Variants in SIGLEC5 observed in about 807,000 individuals in gnomAD.
SIGLEC5 encodes sialic acid binding Ig like lectin 5, also known as sialic acid-binding Ig-like lectin 5.
In SIGLEC5, 34 loss-of-function variants were observed where a neutral mutation model predicts 45.9. That is an observed-to-expected ratio of 0.74 (90% CI 0.56 to 0.99). The LOEUF (loss-of-function observed/expected upper bound fraction) is 0.99, where lower values mean the gene tolerates loss of function less well. SIGLEC5 is among the 50% of genes least tolerant of loss of function. The pLI is 0.00. For synonymous variants in SIGLEC5, 203 were observed against 258.6 expected (o/e 0.79, Z 2.06); for missense variants, 508 against 629.6 (o/e 0.81, Z 2.07).
At chr19:51,624,140 T>C (rs1010623256) in intron 8 of SIGLEC5, among the ~76,000 whole-genome samples, 2 of 152,010 alleles carry the variant, frequency 1.3e-5, no homozygotes, top group Non-Finnish European at 2.9e-5. Context: ...ACCTGGGCAA[T>C]GGAGTCAGAC....
At chr19:51,613,310 C>T (rs530550660) in intron 8 of SIGLEC5, among the ~76,000 whole-genome samples, 5 of 152,226 alleles carry the variant, frequency 3.3e-5, no homozygotes, top group Admixed American at 1.3e-4. Flanking sequence ...CATTCAAGGC[C>T]GGGCTAGATT....
At chr19:51,618,558 G>A (rs919735747) in intron 8 of SIGLEC5, among the ~76,000 whole-genome samples, 20 of 151,268 alleles carry the variant, frequency 1.3e-4, no homozygotes, top group South Asian at 4.2e-4. Flanking sequence ...TTGGGAGGAC[G>A]AGGTGGGCAG....
intron 3 of SIGLEC5, 36 bp from the exon 4 acceptor site, chr19:51,629,112 G>T: frequency 6.2e-7 from 1 of 1,610,166 alleles, no homozygotes; most frequent in South Asian, 1.1e-5. Context: ...CTTCAGCAGT[G>T]AGGAGTGAGA....
At chr19:51,623,935 G>T (rs1350740112) in intron 8 of SIGLEC5, among the ~76,000 whole-genome samples, 1 of 152,120 alleles carries the variant, frequency 6.6e-6, no homozygotes, top group Non-Finnish European at 1.5e-5. Flanking sequence ...CCAGCACTTT[G>T]GGAGGTCAAG....
chr19:51,623,636 T>G (rs1983372632), intron 8 of SIGLEC5, among the ~76,000 whole-genome samples: 1 of 152,198 alleles, frequency 6.6e-6, no homozygotes, highest in African/African-American at 2.4e-5. Context: ...TTGGAGAGAT[T>G]ACAGAACAAC....
At chr19:51,622,884 C>T (rs1983342517) in intron 8 of SIGLEC5, among the ~76,000 whole-genome samples, 1 of 152,170 alleles carries the variant, frequency 6.6e-6, no homozygotes, top group Non-Finnish European at 1.5e-5. Context: ...CTTTCTGTGC[C>T]TGCCTTATTT....
chr19:51,622,202 G>A (rs1050105294), intron 8 of SIGLEC5, among the ~76,000 whole-genome samples: 21 of 151,870 alleles, frequency 1.4e-4, no homozygotes, highest in Non-Finnish European at 2.5e-4. Flanking sequence ...CGCGATCTCC[G>A]CTCACTGCAA....
chr19:51,616,906 C>CAAAAA (rs34974873), intron 8 of SIGLEC5, among the ~76,000 whole-genome samples: 573 of 46,192 alleles, frequency 0.012, 139 homozygotes, highest in Middle Eastern at 0.043. Flanking sequence ...GTGAGACTGT[C>CAAAAA]AAAAAAAAAA....
At position 51,611,444 on chromosome 19, in the gene SIGLEC5, T is replaced by G. The variant is rs1372036050; in HGVS notation, c.*787A>C. On this transcript the variant is annotated 3_prime_UTR_variant, in exon 9 of 9. Transcript: ENST00000683636. ...GTGGTATGAACCAGCATGAAAGGCT[T>G]AAGGAAGGGTTAGGCAAGAGGAAAG... 6.6e-6 allele frequency among the ~76,000 whole-genome samples: 1 copy of G among 152,120 alleles called. No individual in the cohort carries two copies. Among genetic ancestry groups the G allele is most frequent in the Non-Finnish European group, 1.5e-5 (1 of 68,016 alleles).
intron 8 of SIGLEC5, among the ~76,000 whole-genome samples, chr19:51,614,232 G>A (rs1369666009): frequency 3.3e-5 from 5 of 152,252 alleles, no homozygotes; most frequent in South Asian, 2.1e-4. Context: ...GCAACCTCCC[G>A]TCCCTGGCTC....
chr19:51,620,395 A>G (rs1983240485), intron 8 of SIGLEC5, among the ~76,000 whole-genome samples: 1 of 152,080 alleles, frequency 6.6e-6, no homozygotes, highest in Non-Finnish European at 1.5e-5. Context: ...CAAACAACCT[A>G]CTGGAGTATT....
rs75689714 is a variant in SIGLEC5, at chr19:51,611,553, G to T, written c.*678C>A. ...TGTGATATATTGTCTAAGGCCAGGG[G>T]GCCGTGAATGGGTTTGGGCAGGAAA... On this transcript the variant is annotated 3_prime_UTR_variant, in exon 9 of 9. Coordinates refer to ENST00000683636, the MANE Select transcript of SIGLEC5 (RefSeq NM_003830.4). 4.6e-3 allele frequency among the ~76,000 whole-genome samples: 697 copies of T among 152,300 alleles called. 17 individuals are homozygous for T. Among genetic ancestry groups the T allele is most frequent in the East Asian group, 0.039 (204 of 5,182 alleles).
Position 51,612,161 on chromosome 19 carries a change from G to T in SIGLEC5, c.*70C>A. ...AGGGCTCTTCGTGCTTCAGCAAGTG[G>T]TCCCTGACTTGTCCTTTCCCCCAGA... On this transcript the variant is annotated 3_prime_UTR_variant, in exon 9 of 9. Coordinates refer to ENST00000683636, the MANE Select transcript of SIGLEC5 (RefSeq NM_003830.4). The T allele has an allele frequency of 1.5e-6, 2 of 1,298,234 alleles. No individual in the cohort carries two copies. Among genetic ancestry groups the T allele is most frequent in the Non-Finnish European group, 2.1e-6 (2 of 943,596 alleles). 80.4% of individuals were successfully genotyped at this position (1,298,234 alleles called of 1,614,324 possible).
At chr19:51,629,727 GC>G in intron 2 of SIGLEC5, 91 bp from the exon 3 acceptor site, 1 of 855,686 alleles carries the variant, frequency 1.2e-6, no homozygotes, top group Non-Finnish European at 1.8e-6. Context: ...GCCCCGACCT[GC>G]CCCAAGTCCT....
chr19:51,629,050 T>C lies in SIGLEC5; in HGVS notation c.727A>G (p.Arg243Gly). The C allele has an allele frequency of 6.2e-7, 1 of 1,613,860 alleles. No homozygotes were observed. ...AGGTCTTTCCTACCTATGCCGTTCC[T>C]GAAGATGGTGATGGTCTGTGGAGCA... ...SYAPQTITIF[R>G]NGIALEILQN... The change falls in exon 4 of 9, where the codon AGG becomes GGG. Residue 243 changes from arginine to glycine, a missense_variant. Physicochemically the swap from Arg to Gly is moderately radical, Grantham distance 125. Coordinates refer to ENST00000683636, the MANE Select transcript of SIGLEC5 (RefSeq NM_003830.4).
At chr19:51,615,102 G>C (rs191499364) in intron 8 of SIGLEC5, among the ~76,000 whole-genome samples, 2 of 152,310 alleles carry the variant, frequency 1.3e-5, no homozygotes, top group Admixed American at 6.5e-5. Context: ...TGGCATGAAA[G>C]TGTGCAGAAT....
chr19:51,629,917 T>C lies in SIGLEC5; in HGVS notation c.337A>G (p.Thr113Ala), dbSNP rs1399442227. The change falls in exon 2 of 9, where the codon ACG (threonine) becomes GCG (alanine). Residue 113 changes from threonine (T) to alanine (A), a missense_variant. By Grantham distance (58) the Thr-to-Ala change is moderately conservative (BLOSUM62 0). This residue lies in a region of SIGLEC5 where 77 missense variants were observed against 200.8 expected (regional missense o/e 0.38). Coordinates refer to ENST00000683636, the MANE Select transcript of SIGLEC5 (RefSeq NM_003830.4). Reference sequence around the variant, plus strand: ...TCCACGCGGAAGAAATAGCTTCCCGTGTCCTCCATTCTGGCATCTCCGATG... The same window carrying C: ...TCCACGCGGAAGAAATAGCTTCCCGCGTCCTCCATTCTGGCATCTCCGATG... Reference protein sequence around the residue: ...LSIGDARMEDTGSYFFRVERG... With the variant: ...LSIGDARMEDAGSYFFRVERG... 3 of 1,123,262 alleles carry C rather than the reference T, an allele frequency of 2.7e-6. No individual in the cohort carries two copies. Among genetic ancestry groups the C allele is most frequent in the East Asian group, 2.3e-5 (1 of 43,292 alleles). The allele number at this position is 1,123,262 out of a possible 1,614,324, so 69.6% of individuals were successfully genotyped here. A position where few individuals can be genotyped will look rare whatever the true frequency, so the allele number is the denominator to read the frequency against.
intron 8 of SIGLEC5, among the ~76,000 whole-genome samples, chr19:51,617,382 G>T (rs1391694195): frequency 6.6e-6 from 1 of 152,124 alleles, no homozygotes; most frequent in Middle Eastern, 3.4e-3. Flanking sequence ...AAGATGCAGG[G>T]AATCCCATGC....
chr19:51,615,437 GTCTGCCCCTCACTGCAGAA>G (rs1296815665), intron 8 of SIGLEC5, among the ~76,000 whole-genome samples: 1 of 152,124 alleles, frequency 6.6e-6, no homozygotes, highest in East Asian at 1.9e-4. Flanking sequence ...GACAAACATT[GTCTGCCCCTCACTGCAGAA>G]TTCAGAGTAT....
Sources: gnomAD v4.1 joint callset for allele counts (sites outside exome capture counted in the v4.1 genomes callset) on GRCh38, gnomAD v4.1.1 for gene constraint, gnomAD v4.1.1 regional missense constraint, MANE v1.5 for transcripts, NCBI Gene and HGNC (gene_info 2026-07-23, HGNC 2026-07-21) for gene names.